Variants in DTNB observed in about 807,000 individuals in gnomAD.
The protein encoded by DTNB is DTN-B.
A neutral mutation model predicts 90.7 loss-of-function variants in DTNB; 63 were observed. The observed-to-expected ratio is 0.69, with a 90% CI of 0.57 to 0.86. DTNB has a LOEUF of 0.86. Among genes scored for constraint, DTNB ranks in the 40% least tolerant of loss-of-function variants. The pLI is 0.00. For missense variants in DTNB, 744 were observed against 807.1 expected, an observed-to-expected ratio of 0.92 and a Z score of 0.95; for synonymous variants, 277 against 286.7, an observed-to-expected ratio of 0.97 and a Z score of 0.34.
At chr2:25,533,240 C>T (rs1002144565) in intron 8 of DTNB, among the ~76,000 whole-genome samples, 4 of 152,086 alleles carry the variant, frequency 2.6e-5, no homozygotes, top group Non-Finnish European at 4.4e-5. Flanking sequence ...GTGGGAGGAT[C>T]GCTTCAGCCC....
intron 9 of DTNB, among the ~76,000 whole-genome samples, chr2:25,503,622 T>A (rs2150588517): frequency 6.6e-6 from 1 of 151,800 alleles, no homozygotes; most frequent in South Asian, 2.1e-4. Context: ...GAAAATGAAA[T>A]TAAGAAAAGA....
intron 16 of DTNB, among the ~76,000 whole-genome samples, chr2:25,417,056 C>T (rs1475676049): frequency 6.6e-6 from 1 of 152,152 alleles, no homozygotes. Flanking sequence ...CAGTTTAAAC[C>T]TGTGAAGTGG....
At chr2:25,509,578 G>A (rs972381242) in intron 9 of DTNB, among the ~76,000 whole-genome samples, 2 of 151,880 alleles carry the variant, frequency 1.3e-5, no homozygotes, top group African/African-American at 4.8e-5. Flanking sequence ...TTGGAAGATC[G>A]TATTCCACTC....
chr2:25,443,268 G>C (rs988070039), intron 12 of DTNB, among the ~76,000 whole-genome samples: 1 of 152,172 alleles, frequency 6.6e-6, no homozygotes, highest in African/African-American at 2.4e-5. Context: ...ATAAGGTGTT[G>C]AGGTCCCTTT....
chr2:25,387,393 A>G lies in DTNB; in HGVS notation c.1736-15T>C. 2 of 1,607,532 alleles carry G rather than the reference A, an allele frequency of 1.2e-6. No homozygotes were observed. Among genetic ancestry groups the G allele is most frequent in the Non-Finnish European group, 1.7e-6 (2 of 1,175,300 alleles). ...TCTCCTCGTACCTGAGGAGAGGCAGAGCAGATGGGGATGCCAGGGTGGGTG... is the reference window on the plus strand; with the variant it reads ...TCTCCTCGTACCTGAGGAGAGGCAGGGCAGATGGGGATGCCAGGGTGGGTG... On this transcript the variant is annotated splice_polypyrimidine_tract_variant and intron_variant, in intron 17 of 20. Transcript: ENST00000406818. This position sits in a 1 kb window ranked among gnomAD's most constrained non-coding sequence, Gnocchi z 4.5.
chr2:25,419,400 C>T (rs939732769), intron 16 of DTNB, 115 bp downstream of exon 16: 1 of 1,480,796 alleles, frequency 6.8e-7, no homozygotes, highest in South Asian at 1.2e-5. Flanking sequence ...GGGTTTTACA[C>T]ATAAAACCCT....
chr2:25,476,510 T>C (rs757714298), intron 10 of DTNB, among the ~76,000 whole-genome samples: 27 of 152,206 alleles, frequency 1.8e-4, no homozygotes, highest in Non-Finnish European at 8.8e-5. Flanking sequence ...TAGATGCTAT[T>C]AAAAACATTT....
intron 10 of DTNB, among the ~76,000 whole-genome samples, chr2:25,469,796 G>A (rs2062454350): frequency 6.6e-6 from 1 of 152,200 alleles, no homozygotes; most frequent in African/African-American, 2.4e-5. Flanking sequence ...ATGCTCCTGA[G>A]TTTTAAGCAG....
At chr2:25,593,491 C>A (rs1283771483) in intron 6 of DTNB, among the ~76,000 whole-genome samples, 1 of 152,140 alleles carries the variant, frequency 6.6e-6, no homozygotes, top group South Asian at 2.1e-4. Flanking sequence ...TGAGTGATTT[C>A]TATTTCCCCT....
chr2:25,423,399 G>C (rs1005042350), intron 15 of DTNB, among the ~76,000 whole-genome samples: 3 of 152,308 alleles, frequency 2.0e-5, no homozygotes, highest in African/African-American at 7.2e-5. Context: ...TGAATTAACA[G>C]TGATGTCACT....
chr2:25,401,501 A>C (rs572830304), intron 16 of DTNB, among the ~76,000 whole-genome samples: 48 of 152,220 alleles, frequency 3.2e-4, no homozygotes, highest in Non-Finnish European at 6.3e-4. Flanking sequence ...CACGGAGAGA[A>C]AGGCAGTGTC....
At chr2:25,475,766 A>C (rs2063622357) in intron 10 of DTNB, among the ~76,000 whole-genome samples, 1 of 152,212 alleles carries the variant, frequency 6.6e-6, no homozygotes, top group Admixed American at 6.5e-5. Flanking sequence ...CTCATTTACC[A>C]TTCTGAAAAT....
At chr2:25,608,342 A>T (rs768645569) in intron 4 of DTNB, among the ~76,000 whole-genome samples, 1 of 152,226 alleles carries the variant, frequency 6.6e-6, no homozygotes, top group Non-Finnish European at 1.5e-5. Flanking sequence ...AAAAAGGCAA[A>T]TAGCCTATAC....
chr2:25,539,816 C>T (rs1315387604), intron 8 of DTNB, among the ~76,000 whole-genome samples: 1 of 151,964 alleles, frequency 6.6e-6, no homozygotes, highest in Non-Finnish European at 1.5e-5. Flanking sequence ...GGTATACTTC[C>T]AAATTACCGT....
intron 6 of DTNB, among the ~76,000 whole-genome samples, chr2:25,587,006 G>A (rs2062567589): frequency 6.6e-6 from 1 of 152,152 alleles, no homozygotes; most frequent in African/African-American, 2.4e-5. Context: ...ACACTGAGGG[G>A]GATGTAAACA....
At chr2:25,605,200 A>G (rs991151487) in intron 5 of DTNB, among the ~76,000 whole-genome samples, 1 of 152,252 alleles carries the variant, frequency 6.6e-6, no homozygotes, top group African/African-American at 2.4e-5. Flanking sequence ...TAGCAGAGAA[A>G]CTATAATTTT....
chr2:25,627,526 G>A (rs2074490443), intron 4 of DTNB, among the ~76,000 whole-genome samples: 1 of 152,086 alleles, frequency 6.6e-6, no homozygotes, highest in Non-Finnish European at 1.5e-5. Context: ...AGGAGACTTA[G>A]AAGTCAAATA....
intron 20 of DTNB, 85 bp downstream of exon 20, chr2:25,379,205 C>T (rs2036799543): frequency 1.6e-6 from 2 of 1,254,358 alleles, no homozygotes; most frequent in Non-Finnish European, 1.0e-6. Context: ...GGCTAGGGAC[C>T]TGTGACTGCA....
At chr2:25,578,517 T>C (rs1012523319) in intron 7 of DTNB, among the ~76,000 whole-genome samples, 2 of 152,248 alleles carry the variant, frequency 1.3e-5, no homozygotes, top group African/African-American at 4.8e-5. Context: ...AAATACATTC[T>C]GATAATTTTG....
Sources: gnomAD v4.1 joint callset for allele counts (sites outside exome capture counted in the v4.1 genomes callset) on GRCh38, gnomAD v4.1.1 for gene constraint, Gnocchi (gnomAD v3.1) non-coding constraint, MANE v1.5 for transcripts, NCBI Gene and HGNC (gene_info 2026-07-23, HGNC 2026-07-21) for gene names.